MYH15: variants seen among roughly 807,000 people sequenced by gnomAD.
MYH15 encodes the protein myosin-15.
In MYH15, 227 loss-of-function variants were observed where a neutral mutation model predicts 240.5. That is an observed-to-expected ratio of 0.94 (90% CI 0.85 to 1.05). The LOEUF is 1.05. MYH15 is among the 50% of genes least tolerant of loss of function. The probability of loss-of-function intolerance (pLI) is 0.00; values close to 1 mark genes in which losing one functional copy is unlikely to be tolerated. For missense variants in MYH15, 2,217 were observed against 2,247.5 expected (o/e 0.99, Z 0.27); for synonymous variants, 785 against 796.7 (o/e 0.99, Z 0.25).
At chr3:108,503,703 G>A (rs1173497710) in intron 2 of MYH15, among the ~76,000 whole-genome samples, 1 of 152,178 alleles carries the variant, frequency 6.6e-6, no homozygotes, top group Admixed American at 6.5e-5. Flanking sequence ...GTTGCTGGTG[G>A]AAACGTAAAA....
chr3:108,408,488 C>A (rs1378278599), intron 31 of MYH15, 84 bp from the exon 32 acceptor site: 2 of 1,350,358 alleles, frequency 1.5e-6, no homozygotes, highest in South Asian at 1.5e-5. Flanking sequence ...ATTCTTCCAG[C>A]CCACTGGAAC....
intron 22 of MYH15, among the ~76,000 whole-genome samples, chr3:108,443,095 G>A (rs557164035): frequency 6.6e-6 from 1 of 152,138 alleles, no homozygotes; most frequent in Admixed American, 6.6e-5. Context: ...ACTGGGAGGC[G>A]AGGTCTCAAC....
intron 27 of MYH15, among the ~76,000 whole-genome samples, chr3:108,426,916 T>C (rs1439533747): frequency 6.6e-5 from 10 of 152,242 alleles, no homozygotes; most frequent in Non-Finnish European, 1.5e-4. Flanking sequence ...ACTTTCAAGA[T>C]TTAATGTTGT....
At chr3:108,491,302 A>T (rs2083345730) in intron 9 of MYH15, among the ~76,000 whole-genome samples, 1 of 152,226 alleles carries the variant, frequency 6.6e-6, no homozygotes, top group South Asian at 2.1e-4. Flanking sequence ...ATTAAAAAGC[A>T]GTGCCTGGTG....
intron 6 of MYH15, among the ~76,000 whole-genome samples, chr3:108,496,925 G>C (rs189812708): frequency 6.6e-6 from 1 of 151,764 alleles, no homozygotes; most frequent in Admixed American, 6.6e-5. Context: ...CACTTTGGAG[G>C]CCTACGCGGG....
At chr3:108,460,632 A>T (rs546258202) in intron 16 of MYH15, among the ~76,000 whole-genome samples, 6 of 152,352 alleles carry the variant, frequency 3.9e-5, no homozygotes, top group Non-Finnish European at 8.8e-5. Context: ...CAAAAATAAA[A>T]TTCATCAACA....
intron 9 of MYH15, among the ~76,000 whole-genome samples, chr3:108,491,046 C>A (rs893519259): frequency 6.6e-6 from 1 of 152,112 alleles, no homozygotes; most frequent in African/African-American, 2.4e-5. Flanking sequence ...TGCCACCATG[C>A]CTGGCTAAGT....
At chr3:108,389,513 CA>C (rs2082407968) in intron 37 of MYH15, among the ~76,000 whole-genome samples, 1 of 152,154 alleles carries the variant, frequency 6.6e-6, no homozygotes, top group East Asian at 1.9e-4. Flanking sequence ...ATGTCACCCA[CA>C]ACCCTCCAGT....
chr3:108,549,330 G>T, the MYH15 span, among the ~76,000 whole-genome samples: 12 of 151,522 alleles, frequency 7.9e-5, no homozygotes, highest in Admixed American at 7.9e-4. Flanking sequence ...ATATAGTAAA[G>T]GCACTCAGAA....
At chr3:108,475,040 A>C (rs1364989188) in intron 12 of MYH15, among the ~76,000 whole-genome samples, 1 of 152,200 alleles carries the variant, frequency 6.6e-6, no homozygotes, top group Non-Finnish European at 1.5e-5. Context: ...TAAATTAATA[A>C]ATTGATTTTG....
intron 1 of MYH15, among the ~76,000 whole-genome samples, chr3:108,526,559 A>G (rs182121055): frequency 6.6e-6 from 1 of 152,122 alleles, no homozygotes; most frequent in East Asian, 1.9e-4. Context: ...AGCAGAAGTC[A>G]GACCTGTGTT....
At chr3:108,480,264 GAGA>G (rs1325682166) in intron 11 of MYH15, among the ~76,000 whole-genome samples, 1 of 152,142 alleles carries the variant, frequency 6.6e-6, no homozygotes, top group Non-Finnish European at 1.5e-5. Flanking sequence ...GCAAATATGG[GAGA>G]AGAAGAGTTT....
chr3:108,495,878 A>G lies in MYH15; in HGVS notation c.619-6T>C. 6.2e-7 allele frequency: 1 copy of G among 1,601,102 alleles called. No individual in the cohort carries two copies. The highest frequency in any genetic ancestry group is 8.5e-7 in the Non-Finnish European group (1 of 1,172,854). Reference sequence around the variant, plus strand: ...ATTTGATCTTCTAACGCCCCCTGAGACACATGCAAGAGAAGTACAGCTGAT... The same window carrying G: ...ATTTGATCTTCTAACGCCCCCTGAGGCACATGCAAGAGAAGTACAGCTGAT... On this transcript the variant is annotated splice_polypyrimidine_tract_variant and splice_region_variant and intron_variant, in intron 6 of 40. Coordinates refer to ENST00000693548, the MANE Select transcript of MYH15 (RefSeq NM_014981.3).
At chr3:108,416,400 T>G (rs1027267810) in intron 29 of MYH15, among the ~76,000 whole-genome samples, 1 of 152,228 alleles carries the variant, frequency 6.6e-6, no homozygotes, top group Admixed American at 6.5e-5. Flanking sequence ...AGCAACATTA[T>G]ACACTCATAG....
At chr3:108,411,306 C>T (rs1370711251) in intron 30 of MYH15, among the ~76,000 whole-genome samples, 2 of 152,168 alleles carry the variant, frequency 1.3e-5, no homozygotes, top group African/African-American at 4.8e-5. Context: ...CAGTAAGCAC[C>T]TTACAAATCT....
In MYH15 at chr3:108,500,223, C is replaced by T. The variant is rs770648126; in HGVS notation, c.391G>A (p.Val131Met). The change falls in exon 4 of 41, where the codon GTG becomes ATG. Residue 131 changes from valine to methionine, a missense_variant. By Grantham distance (21) the Val-to-Met change is conservative (BLOSUM62 1). Transcript: ENST00000693548. ...GCGGCCATGACTTCTTTCTGATACA[C>T]GGGAAGCCATTTGTAAGGGTTTATG... is the stretch of plus-strand genomic sequence containing the variant. ...VTINPYKWLP[V>M]YQKEVMAAYK... 7 of 1,613,912 alleles carry T rather than the reference C, an allele frequency of 4.3e-6. No homozygotes were observed. Among genetic ancestry groups the T allele is most frequent in the African/African-American group, 1.3e-5 (1 of 74,896 alleles).
In MYH15 at chr3:108,444,768, C is replaced by A; in HGVS notation, c.2527G>T (p.Gly843Ter). ...AATTGTGCACACTCTTCCTTCAGTCCAGCTACTTCTTCTCCTACTTCTGAA... is the reference window on the plus strand; with the variant it reads ...AATTGTGCACACTCTTCCTTCAGTCAAGCTACTTCTTCTCCTACTTCTGAA... ...KSSEVGEEVA[G>*]LKEECAQLQK... The change falls in exon 22 of 41, where the codon GGA (glycine) becomes TGA (stop). Residue 843 changes from glycine (G) to a stop codon, truncating the protein, a stop_gained. Coordinates refer to ENST00000693548, the MANE Select transcript of MYH15 (RefSeq NM_014981.3). LOFTEE classifies it high-confidence loss of function. The A allele has an allele frequency of 6.2e-7, 1 of 1,614,026 alleles. No individual in the cohort carries two copies. Among genetic ancestry groups the A allele is most frequent in the South Asian group, 1.1e-5 (1 of 91,068 alleles).
chr3:108,546,936 G>T, the MYH15 span, among the ~76,000 whole-genome samples: 1 of 152,114 alleles, frequency 6.6e-6, no homozygotes, highest in Non-Finnish European at 1.5e-5. Flanking sequence ...TGATTTGCAT[G>T]TTGAAAATAA....
intron 11 of MYH15, among the ~76,000 whole-genome samples, chr3:108,484,343 A>T (rs72941731): frequency 0.064 from 9,773 of 152,264 alleles, 395 homozygotes; most frequent in Non-Finnish European, 0.088. Context: ...AAGAAAAAAC[A>T]AGGAGAAATA....
Sources: allele counts gnomAD v4.1 joint callset (sites outside exome capture counted in the v4.1 genomes callset), GRCh38; gene constraint gnomAD v4.1.1; transcripts MANE v1.5; gene names NCBI Gene and HGNC (gene_info 2026-07-23, HGNC 2026-07-21).